The following ZSWIM7 variants were observed in gnomAD, a reference collection of about 807,000 sequenced individuals.
The protein encoded by ZSWIM7 is zinc finger SWIM-type containing 7.
Under a neutral mutation model 21.1 loss-of-function variants are expected in ZSWIM7, and 22 were observed. The observed-to-expected ratio is 1.04, with a 90% CI of 0.74 to 1.49. ZSWIM7 has a LOEUF of 1.49. Among genes scored for constraint, ZSWIM7 ranks in the 40% most tolerant of loss-of-function variants. The pLI is 0.00. For synonymous variants in ZSWIM7, 67 were observed against 66.5 expected, an observed-to-expected ratio of 1.01 and a Z score of -0.04; for missense variants, 193 against 168.0, an observed-to-expected ratio of 1.15 and a Z score of -0.82.
At chr17:15,978,547 G>A (rs1233672457) in intron 4 of ZSWIM7, among the ~76,000 whole-genome samples, 2 of 152,118 alleles carry the variant, frequency 1.3e-5, no homozygotes, top group Non-Finnish European at 2.9e-5. Flanking sequence ...GCAGTGAGCC[G>A]AGATCACGCC....
At chr17:15,984,880 T>C (rs1970391872) in intron 3 of ZSWIM7, among the ~76,000 whole-genome samples, 1 of 152,218 alleles carries the variant, frequency 6.6e-6, no homozygotes, top group Non-Finnish European at 1.5e-5. Flanking sequence ...AGCTGGCTCC[T>C]GGTGGATACA....
chr17:15,979,698 C>T (rs1235374543), intron 4 of ZSWIM7, among the ~76,000 whole-genome samples: 2 of 104,246 alleles, frequency 1.9e-5, no homozygotes, highest in African/African-American at 3.8e-5. Flanking sequence ...CCGAATGGGG[C>T]GGCTGGCCGG....
chr17:15,992,621 T>C (rs1217699660), intron 2 of ZSWIM7, among the ~76,000 whole-genome samples: 1 of 152,070 alleles, frequency 6.6e-6, no homozygotes, highest in African/African-American at 2.4e-5. Flanking sequence ...GTATTTTTAA[T>C]AGTGACAGGG....
intron 3 of ZSWIM7, among the ~76,000 whole-genome samples, chr17:15,983,171 C>T (rs965564621): frequency 2.0e-5 from 3 of 151,268 alleles, no homozygotes; most frequent in Non-Finnish European, 4.4e-5. Flanking sequence ...ATGGTGAAAC[C>T]CCATCTCTAC....
chr17:15,999,378 T>C (rs1399034325), intron 1 of ZSWIM7, 141 bp downstream of exon 1: 1 of 1,098,624 alleles, frequency 9.1e-7, no homozygotes, highest in South Asian at 1.4e-5. Flanking sequence ...TTTGTCTTTT[T>C]ACGAACAAGA....
chr17:15,995,270 CTTT>C (rs1186343441), intron 1 of ZSWIM7, among the ~76,000 whole-genome samples: 5 of 142,792 alleles, frequency 3.5e-5, no homozygotes, highest in Admixed American at 7.1e-5. Flanking sequence ...CCCCGTCTCT[CTTT>C]TTTTTTTTTT....
At chr17:15,999,323 T>A (rs1208791475) in intron 1 of ZSWIM7, 196 bp downstream of exon 1, 1 of 734,178 alleles carries the variant, frequency 1.4e-6, no homozygotes. Flanking sequence ...CTGAATCGAT[T>A]TGACTTTTAC....
chr17:15,978,416 G>T (rs1244583789), intron 4 of ZSWIM7, among the ~76,000 whole-genome samples: 2 of 152,070 alleles, frequency 1.3e-5, no homozygotes, highest in Non-Finnish European at 2.9e-5. Context: ...TGGCTGATAT[G>T]GCAAAACCCT....
At chr17:15,999,334 T>A in intron 1 of ZSWIM7, 185 bp downstream of exon 1, 1 of 777,536 alleles carries the variant, frequency 1.3e-6, no homozygotes, top group Non-Finnish European at 2.1e-6. Flanking sequence ...TGACTTTTAC[T>A]TGTTCCAATT....
chr17:15,984,359 T>TA (rs1033204700), intron 3 of ZSWIM7, among the ~76,000 whole-genome samples: 2 of 152,196 alleles, frequency 1.3e-5, no homozygotes, highest in Non-Finnish European at 2.9e-5. Context: ...AACTTCCTCT[T>TA]ACAGGAATTG....
chr17:15,984,485 A>T (rs1437814755), intron 3 of ZSWIM7, among the ~76,000 whole-genome samples: 1 of 152,202 alleles, frequency 6.6e-6, no homozygotes, highest in Non-Finnish European at 1.5e-5. Flanking sequence ...AACTTGTAGG[A>T]ACCTCACTTG....
At chr17:15,994,060 T>G (rs1360663611) in intron 1 of ZSWIM7, among the ~76,000 whole-genome samples, 1 of 152,212 alleles carries the variant, frequency 6.6e-6, no homozygotes, top group Non-Finnish European at 1.5e-5. Context: ...ACCATTCTCT[T>G]GCCTCAGCCT....
chr17:15,982,971 G>A (rs573932581), intron 3 of ZSWIM7, among the ~76,000 whole-genome samples: 9 of 152,200 alleles, frequency 5.9e-5, no homozygotes, highest in East Asian at 3.9e-4. Context: ...GTTTTTTGAC[G>A]CAGTCAGAAT....
At chr17:15,991,908 TTTTTTGTTTGTTTTGTTTTGTTTTG>T (rs1346734484) in intron 2 of ZSWIM7, among the ~76,000 whole-genome samples, 1 of 98,538 alleles carries the variant, frequency 1.0e-5, no homozygotes, top group African/African-American at 5.0e-5. Context: ...GGTTTTGTTT[TTTTTTGTTTGTTTTGTTTTGTTTTG>T]TTTTTTTTTT....
At chr17:15,983,612 A>T (rs1180017186) in intron 3 of ZSWIM7, among the ~76,000 whole-genome samples, 1 of 152,010 alleles carries the variant, frequency 6.6e-6, no homozygotes, top group Non-Finnish European at 1.5e-5. Flanking sequence ...TTTGAGACAG[A>T]GTTTCATTTT....
intron 3 of ZSWIM7, among the ~76,000 whole-genome samples, chr17:15,983,344 C>CA (rs58918337): frequency 0.55 from 24,285 of 44,416 alleles, 7,556 homozygotes; most frequent in Non-Finnish European, 0.64. Flanking sequence ...GACTCTGTCT[C>CA]AAAAAAAAAA....
At chr17:15,996,592 T>G (rs1970558247) in intron 1 of ZSWIM7, among the ~76,000 whole-genome samples, 1 of 151,948 alleles carries the variant, frequency 6.6e-6, no homozygotes, top group Non-Finnish European at 1.5e-5. Flanking sequence ...CCTCAAAAGG[T>G]ACATCTCATG....
At position 15,977,546 on chromosome 17, in the gene ZSWIM7, TA is replaced by T; in HGVS notation, c.*500del. 1 of 148,386 alleles carries T rather than the reference TA, an allele frequency of 6.7e-6. No individual in the cohort carries two copies. Among genetic ancestry groups the T allele is most frequent in the East Asian group, 2.0e-4 (1 of 5,114 alleles). 9.2% of individuals were successfully genotyped at this position (148,386 alleles called of 1,614,324 possible). A position where few individuals can be genotyped will look rare whatever the true frequency, so the allele number is the denominator to read the frequency against. On this transcript the variant is annotated 3_prime_UTR_variant, in exon 5 of 5. Coordinates refer to ENST00000399277, the MANE Select transcript of ZSWIM7 (RefSeq NM_001042697.2). Reference sequence around the variant, plus strand: ...AACCCCATCTCTACTAAAAAAAAAATACAAAAATTTAGCCGGGCATGGTGGC... The same window carrying T: ...AACCCCATCTCTACTAAAAAAAAAATCAAAAATTTAGCCGGGCATGGTGGC...
At chr17:15,987,593 GTATA>G (rs1191591208) in intron 2 of ZSWIM7, among the ~76,000 whole-genome samples, 2 of 151,758 alleles carry the variant, frequency 1.3e-5, no homozygotes, top group Non-Finnish European at 2.9e-5. Flanking sequence ...ATGTGTGTGT[GTATA>G]TATATTTATT....
Sources: allele counts gnomAD v4.1 joint callset (sites outside exome capture counted in the v4.1 genomes callset), GRCh38; gene constraint gnomAD v4.1.1; transcripts MANE v1.5; gene names NCBI Gene and HGNC (gene_info 2026-07-23, HGNC 2026-07-21).